Variants in LTBP1 observed in about 807,000 individuals in gnomAD.
The protein encoded by LTBP1 is latent transforming growth factor beta binding protein 1.
In LTBP1, 129 loss-of-function variants were observed where a neutral mutation model predicts 207.6. The observed-to-expected ratio is 0.62, with a 90% CI of 0.54 to 0.72. The LOEUF (loss-of-function observed/expected upper bound fraction) is 0.72. LTBP1 is among the 30% of genes least tolerant of loss of function. LTBP1 has a pLI of 0.00. For missense variants in LTBP1, 2,281 were observed against 2,217.2 expected (o/e 1.03, Z -0.58); for synonymous variants, 963 against 833.7 (o/e 1.16, Z -2.67).
At chr2:33,203,864 G>C (rs1044316279) in intron 7 of LTBP1, among the ~76,000 whole-genome samples, 2 of 152,182 alleles carry the variant, frequency 1.3e-5, no homozygotes, top group Non-Finnish European at 2.9e-5. Context: ...TGTGTTTGAA[G>C]ATGACAGTTC....
rs554766598 is a variant in LTBP1 at position 33,233,474 on chromosome 2, T to C, written c.1877-10188T>C. On this transcript the variant is annotated intron_variant, in intron 9 of 33. Transcript: ENST00000404816. ...AAAGAATCTTGGTAAGACCATTTCGTAAAATTATTCTCATCTAGAGAATAT... is the reference window on the plus strand; with the variant it reads ...AAAGAATCTTGGTAAGACCATTTCGCAAAATTATTCTCATCTAGAGAATAT... Among the ~76,000 whole-genome samples, 6 of 152,312 alleles carry C rather than the reference T, an allele frequency of 3.9e-5. No individual in the cohort carries two copies. The East Asian group carries it at 1.2e-3, about 29-fold the overall frequency.
At chr2:33,139,006 C>G (rs1459542676) in intron 5 of LTBP1, among the ~76,000 whole-genome samples, 1 of 150,732 alleles carries the variant, frequency 6.6e-6, no homozygotes, top group Non-Finnish European at 1.5e-5. Flanking sequence ...CTACAGGCGC[C>G]CGCTACCACG....
At position 33,301,762 on chromosome 2, in the gene LTBP1, T is replaced by G; in HGVS notation, c.3481+118T>G. The G allele has an allele frequency of 3.3e-6, 3 of 915,168 alleles. No homozygotes were observed. In the South Asian group the frequency reaches 7.8e-5, roughly 24 times the overall value. 56.7% of individuals were successfully genotyped at this position (915,168 alleles called of 1,614,324 possible). Reference sequence around the variant, plus strand: ...TTGATTTCATAGTGAAGACATTAGGTCCCTGCAAAGTGTCTTCCCCGGGGT... The same window carrying G: ...TTGATTTCATAGTGAAGACATTAGGGCCCTGCAAAGTGTCTTCCCCGGGGT... On this transcript the variant is annotated intron_variant, in intron 22 of 33. Transcript: ENST00000404816.
chr2:33,223,996 G>A (rs1287381610), intron 9 of LTBP1, among the ~76,000 whole-genome samples: 2 of 152,320 alleles, frequency 1.3e-5, no homozygotes, highest in East Asian at 3.9e-4. Flanking sequence ...TAAAACTTAT[G>A]TGAAAGGCTG....
At chr2:33,155,964 G>A (rs554684750) in intron 5 of LTBP1, among the ~76,000 whole-genome samples, 1 of 152,312 alleles carries the variant, frequency 6.6e-6, no homozygotes, top group Non-Finnish European at 1.5e-5. Flanking sequence ...ACCAGAGTAA[G>A]CCCTGAATTT....
chr2:33,133,003 G>C (rs925996472), intron 4 of LTBP1, among the ~76,000 whole-genome samples: 1 of 152,144 alleles, frequency 6.6e-6, no homozygotes, highest in Non-Finnish European at 1.5e-5. Flanking sequence ...GCTGGGAACT[G>C]CCATAACTAT....
chr2:33,388,355 G>A (rs2095285752), intron 31 of LTBP1, among the ~76,000 whole-genome samples: 1 of 152,192 alleles, frequency 6.6e-6, no homozygotes, highest in Non-Finnish European at 1.5e-5. Flanking sequence ...AAGGAGCTGA[G>A]ATCATTGCAG....
chr2:33,228,417 G>C (rs2091574680), intron 9 of LTBP1, among the ~76,000 whole-genome samples: 1 of 152,114 alleles, frequency 6.6e-6, no homozygotes, highest in South Asian at 2.1e-4. Flanking sequence ...CATTTGTGCA[G>C]CATATTGCTA....
chr2:33,320,358 AC>A (rs907208035), intron 24 of LTBP1, among the ~76,000 whole-genome samples: 3 of 151,420 alleles, frequency 2.0e-5, no homozygotes, highest in African/African-American at 7.3e-5. Context: ...ACAGAGCAAG[AC>A]TGCCTCAAAA....
At chr2:33,056,490 C>T (rs1206511787) in intron 3 of LTBP1, 18 of 785,882 alleles carry the variant, frequency 2.3e-5, no homozygotes, top group South Asian at 4.6e-5. Context: ...AGGGATGATG[C>T]GCGTCTTCTT....
Position 33,187,604 on chromosome 2 carries a change from G to A in LTBP1, c.1426+524G>A, listed in dbSNP as rs2087349743. On this transcript the variant is annotated intron_variant, in intron 6 of 33. Coordinates refer to ENST00000404816, the MANE Select transcript of LTBP1 (RefSeq NM_206943.4). ...ATGACGAATTCATCCTTTTAAACCT[G>A]GCATTTTTATAAATGCACACTTTTA... Among the ~76,000 whole-genome samples the A allele has an allele frequency of 1.3e-5, 2 of 152,068 alleles. 1 individual carries two copies. Among genetic ancestry groups the A allele is most frequent in the South Asian group, 4.1e-4 (2 of 4,820 alleles).
At chr2:33,285,422 G>C (rs2093645872) in intron 19 of LTBP1, among the ~76,000 whole-genome samples, 1 of 150,316 alleles carries the variant, frequency 6.7e-6, no homozygotes. Flanking sequence ...TTATGTCATT[G>C]GAGCATTCTC....
At chr2:33,078,777 G>T (rs1377048023) in intron 3 of LTBP1, among the ~76,000 whole-genome samples, 1 of 151,578 alleles carries the variant, frequency 6.6e-6, no homozygotes, top group Non-Finnish European at 1.5e-5. Flanking sequence ...GCTCAATAAG[G>T]TGATTACCTT....
At chr2:33,154,030 G>T (rs1451572785) in intron 5 of LTBP1, among the ~76,000 whole-genome samples, 2 of 152,214 alleles carry the variant, frequency 1.3e-5, no homozygotes, top group African/African-American at 4.8e-5. Flanking sequence ...CTCTGTGCCA[G>T]TTCTTTGCTT....
intron 3 of LTBP1, among the ~76,000 whole-genome samples, chr2:33,107,126 T>C (rs1318657962): frequency 6.6e-6 from 1 of 152,160 alleles, no homozygotes; most frequent in East Asian, 1.9e-4. Context: ...TGGCTTAAGA[T>C]TATATGAAAA....
intron 2 of LTBP1, among the ~76,000 whole-genome samples, chr2:32,955,838 T>C (rs1258859717): frequency 6.6e-6 from 1 of 152,200 alleles, no homozygotes; most frequent in East Asian, 1.9e-4. Flanking sequence ...AATTTGTTGG[T>C]GTGACACAAA....
chr2:33,183,984 C>T (rs1213483263), intron 5 of LTBP1, among the ~76,000 whole-genome samples: 1 of 152,178 alleles, frequency 6.6e-6, no homozygotes, highest in Admixed American at 6.5e-5. Flanking sequence ...CTCCCTCCTC[C>T]ACTTTCTCCC....
intron 7 of LTBP1, among the ~76,000 whole-genome samples, chr2:33,210,464 C>G (rs910497758): frequency 6.6e-6 from 1 of 152,096 alleles, no homozygotes; most frequent in African/African-American, 2.4e-5. Context: ...AACATTATCT[C>G]TTTCTCCTTT....
intron 3 of LTBP1, among the ~76,000 whole-genome samples, chr2:33,070,807 C>T (rs2077749508): frequency 6.6e-6 from 1 of 152,172 alleles, no homozygotes; most frequent in Non-Finnish European, 1.5e-5. Context: ...AGAGAAGGCA[C>T]TGTGGCGTGG....
Sources: gnomAD v4.1 joint callset for allele counts (sites outside exome capture counted in the v4.1 genomes callset) on GRCh38, gnomAD v4.1.1 for gene constraint, MANE v1.5 for transcripts, NCBI Gene and HGNC (gene_info 2026-07-23, HGNC 2026-07-21) for gene names.